CCNO: variants seen among roughly 807,000 people sequenced by gnomAD.
CCNO encodes the protein cyclin-O.
CCNO carries 24 observed loss-of-function variants against 23.9 expected under a neutral mutation model. That is an observed-to-expected ratio of 1.00 (90% CI 0.73 to 1.41). The LOEUF (loss-of-function observed/expected upper bound fraction) is 1.41. CCNO is among the 40% of genes most tolerant of loss of function. The pLI, the probability that CCNO is intolerant of heterozygous loss-of-function variation, is 0.00. For synonymous variants in CCNO, 241 were observed against 225.7 expected (o/e 1.07, Z -0.61); for missense variants, 542 against 476.2 (o/e 1.14, Z -1.29).
At chr5:55,232,288 G>C (rs897613913) in intron 2 of CCNO, 73 bp downstream of exon 2, 1 of 1,395,472 alleles carries the variant, frequency 7.2e-7, no homozygotes, top group Non-Finnish European at 1.0e-6. Context: ...GGAAAGACGG[G>C]CGGCCAGGGA....
Position 55,233,269 on chromosome 5 carries a change from G to A in CCNO, c.255C>T (p.Gly85=), listed in dbSNP as rs1197540683. 5.0e-6 allele frequency: 8 copies of A among 1,590,098 alleles called. No homozygotes were observed. Among genetic ancestry groups the A allele is most frequent in the Non-Finnish European group, 6.8e-6 (8 of 1,170,750 alleles). ...SAARGGSPLP[G]PAQPVAQLDL... ...CTAGCTGCGCCACGGGCTGGGCCGG[G>A]CCGGGCAGGGGGCTACCACCCCGCG... Residue 85 remains glycine (G), a synonymous_variant, in exon 1 of 3, where the codon GGC becomes GGT. Coordinates refer to ENST00000282572, the MANE Select transcript of CCNO (RefSeq NM_021147.5).
Position 55,233,559 on chromosome 5 carries a change from C to T in CCNO, c.-36G>A. The T allele has an allele frequency of 2.0e-6, 3 of 1,488,072 alleles. No homozygotes were observed. Among genetic ancestry groups the T allele is most frequent in the Non-Finnish European group, 2.7e-6 (3 of 1,125,938 alleles). 92.2% of individuals were successfully genotyped at this position (1,488,072 alleles called of 1,614,324 possible). ...GGTGGCCGCTTTACTACCTTCAACGCCCGGGCTGCGGCGGGCAGCAAACGC... is the reference window on the plus strand; with the variant it reads ...GGTGGCCGCTTTACTACCTTCAACGTCCGGGCTGCGGCGGGCAGCAAACGC... On this transcript the variant is annotated 5_prime_UTR_variant, in exon 1 of 3. Coordinates refer to ENST00000282572, the MANE Select transcript of CCNO (RefSeq NM_021147.5).
At chr5:55,232,613 G>T in intron 1 of CCNO, 67 bp from the exon 2 acceptor site, 1 of 1,458,060 alleles carries the variant, frequency 6.9e-7, no homozygotes, top group Non-Finnish European at 9.6e-7. Flanking sequence ...GGAAGGGAAG[G>T]AAGGGCCAAG....
In CCNO at chr5:55,233,390, G is replaced by T. The variant is rs139606873; in HGVS notation, c.134C>A (p.Pro45His). 1.3e-3 allele frequency: 2,155 copies of T among 1,610,664 alleles called. 1 individual carries two copies. Among genetic ancestry groups the T allele is most frequent in the Admixed American group, 2.5e-3 (149 of 59,866 alleles). ...PRLRRKQPLH[P>H]LNPCPLPGDS... is the part of the protein sequence containing the mutation. ...TCCCGGGAGCGGGCACGGGTTCAGGGGATGCAGCGGCTGCTTCCTCCGGAG... is the reference window on the plus strand; with the variant it reads ...TCCCGGGAGCGGGCACGGGTTCAGGTGATGCAGCGGCTGCTTCCTCCGGAG... The change falls in exon 1 of 3, where the codon CCC (proline) becomes CAC (histidine). Residue 45 changes from proline to histidine, a missense_variant. Coordinates refer to ENST00000282572, the MANE Select transcript of CCNO (RefSeq NM_021147.5).
At chr5:55,232,597 G>A (rs1212741000) in intron 1 of CCNO, 51 bp from the exon 2 acceptor site, 2 of 1,564,718 alleles carry the variant, frequency 1.3e-6, no homozygotes, top group African/African-American at 1.4e-5. Flanking sequence ...GGTGGAGAGG[G>A]ACTGTGGAAG....
In CCNO at chr5:55,232,091, C is replaced by G. The variant is rs1191312601; in HGVS notation, c.568-231G>C. Among the ~76,000 whole-genome samples, 8 of 152,046 alleles carry G rather than the reference C, an allele frequency of 5.3e-5. No homozygotes were observed. The East Asian group carries it at 1.5e-3, about 29-fold the overall frequency. ...TTTGAAGGCTTTTTCGGAGGCTAGA[C>G]TAGAGGTGCCAAAAGAGCTATTTGG... On this transcript the variant is annotated intron_variant, in intron 2 of 2. Coordinates refer to ENST00000282572, the MANE Select transcript of CCNO (RefSeq NM_021147.5).
Position 55,233,489 on chromosome 5 carries a change from G to A in CCNO, c.35C>T (p.Pro12Leu). 7 of 1,596,768 alleles carry A rather than the reference G, an allele frequency of 4.4e-6. No homozygotes were observed. The highest frequency in any genetic ancestry group is 6.0e-6 in the Non-Finnish European group (7 of 1,171,902). Residue 12 changes from proline to leucine, a missense_variant, in exon 1 of 3, where the codon CCC becomes CTC. Coordinates refer to ENST00000282572, the MANE Select transcript of CCNO (RefSeq NM_021147.5). ...VTPCPTSPSS[P>L]AARAGRRDND... ...GTCCCGCCTCCCCGCTCGGGCGGCG[G>A]GGCTCGAGGGGCTGGTGGGACAGGG...
In CCNO at chr5:55,231,670, G is replaced by T; in HGVS notation, c.758C>A (p.Ser253Tyr). The T allele has an allele frequency of 6.4e-7, 1 of 1,562,928 alleles. No homozygotes were observed. The highest frequency in any genetic ancestry group is 8.7e-7 in the Non-Finnish European group (1 of 1,154,156). Residue 253 changes from serine to tyrosine, a missense_variant, in exon 3 of 3, where the codon TCC becomes TAC. Ser to Tyr is a moderately radical substitution (Grantham distance 144). Coordinates refer to ENST00000282572, the MANE Select transcript of CCNO (RefSeq NM_021147.5). ...CAGGGCTTGCGCTTCCAGAGCTTCG[G>T]AGGCCTCAGCCTGCCCCGCCTCCAC... ...ARVEAGQAEASEALEAQALAR... is the reference protein window; with the variant it reads ...ARVEAGQAEAYEALEAQALAR...
Position 55,231,781 on chromosome 5 carries a change from A to G in CCNO, c.647T>C (p.Leu216Pro). 1.3e-6 allele frequency: 2 copies of G among 1,562,704 alleles called. No individual in the cohort carries two copies. The highest frequency in any genetic ancestry group is 1.4e-5 in the African/African-American group (1 of 73,898). The change falls in exon 3 of 3, where the codon CTC becomes CCC. Residue 216 changes from leucine (L) to proline (P), a missense_variant. Leu to Pro is a moderately conservative substitution (Grantham distance 98). Transcript: ENST00000282572. ...GAFSRQQLCNLECIVLHKLHF... is the reference protein window; with the variant it reads ...GAFSRQQLCNPECIVLHKLHF... The stretch of plus-strand genomic sequence containing the variant: ...CAGCTTGTGCAGCACGATGCACTCG[A>G]GGTTGCAGAGCTGCTGCCGGGAGAA...
Position 55,231,898 on chromosome 5 carries a change from T to TCCCGGGC in CCNO, c.568-45_568-39dup, listed in dbSNP as rs1403065524. The TCCCGGGC allele has an allele frequency of 6.7e-6, 10 of 1,491,668 alleles. No homozygotes were observed. The African/African-American group carries it at 1.1e-4, about 17-fold the overall frequency. 92.4% of individuals were successfully genotyped at this position (1,491,668 alleles called of 1,614,324 possible). A position where few individuals can be genotyped will look rare whatever the true frequency, so the allele number is the denominator to read the frequency against. On this transcript the variant is annotated intron_variant, in intron 2 of 2. Coordinates refer to ENST00000282572, the MANE Select transcript of CCNO (RefSeq NM_021147.5). Reference sequence around the variant, plus strand: ...GCGCACTCAACCCCGCTTTGCGGCTTCCCGGGCCCCAGGCCCACCCCAGTA... The same window carrying TCCCGGGC: ...GCGCACTCAACCCCGCTTTGCGGCTTCCCGGGCCCCGGGCCCCAGGCCCACCCCAGTA...
Position 55,232,932 on chromosome 5 carries a change from G to A in CCNO, c.381+211C>T, listed in dbSNP as rs1745636843. 1.3e-5 allele frequency: 8 copies of A among 611,990 alleles called. No individual in the cohort carries two copies. In the South Asian group the frequency reaches 1.6e-4, roughly 13 times the overall value. The allele number at this position is 611,990 out of a possible 1,614,324, so 37.9% of individuals were successfully genotyped here. A position where few individuals can be genotyped will look rare whatever the true frequency, so the allele number is the denominator to read the frequency against. On this transcript the variant is annotated intron_variant, in intron 1 of 2. Transcript: ENST00000282572. ...GTGCCCCAGTAGCCAGCTTGGGACG[G>A]GGCAAGTCCCTCAAGCCGTCTACGC...
Position 55,231,742 on chromosome 5 carries a change from C to A in CCNO, c.686G>T (p.Gly229Val). 1 of 1,574,724 alleles carries A rather than the reference C, an allele frequency of 6.4e-7. No homozygotes were observed. The highest frequency in any genetic ancestry group is 8.6e-7 in the Non-Finnish European group (1 of 1,160,832). ...CAGGAAGAAGCTAATGGTGGGCGCA[C>A]CCAGGGTGAAGTGCAGCTTGTGCAG... The part of the protein sequence containing the change: ...IVLHKLHFTL[G>V]APTISFFLEH... The change falls in exon 3 of 3, where the codon GGT (glycine) becomes GTT (valine). Residue 229 changes from glycine (G) to valine (V), a missense_variant. Transcript: ENST00000282572.
intron 2 of CCNO, 88 bp downstream of exon 2, chr5:55,232,273 G>A: frequency 3.3e-6 from 4 of 1,227,492 alleles, no homozygotes; most frequent in Non-Finnish European, 1.2e-6. Context: ...TGAATCGTGC[G>A]CGCTGGAAAG....
rs1251027384 is a variant in CCNO at position 55,233,474 on chromosome 5, C to G, written c.50G>C (p.Gly17Ala). ...TSPSSPAARA[G>A]RRDNDQNLRA... ...AAGGTTCTGGTCGTTGTCCCGCCTC[C>G]CCGCTCGGGCGGCGGGGCTCGAGGG... is the stretch of plus-strand genomic sequence containing the variant. Residue 17 changes from glycine (G) to alanine (A), a missense_variant, in exon 1 of 3, where the codon GGG becomes GCG. Transcript: ENST00000282572. 2 of 1,599,420 alleles carry G rather than the reference C, an allele frequency of 1.3e-6. No homozygotes were observed. Among genetic ancestry groups the G allele is most frequent in the South Asian group, 2.2e-5 (2 of 89,732 alleles).
In CCNO at chr5:55,232,420, C is replaced by T; in HGVS notation, c.508G>A (p.Val170Met). 2 of 1,613,988 alleles carry T rather than the reference C, an allele frequency of 1.2e-6. No homozygotes were observed. The highest frequency in any genetic ancestry group is 8.5e-7 in the Non-Finnish European group (1 of 1,180,040). The change falls in exon 2 of 3, where the codon GTG becomes ATG. Residue 170 changes from valine to methionine, a missense_variant. Coordinates refer to ENST00000282572, the MANE Select transcript of CCNO (RefSeq NM_021147.5). ...AGCAGCTGGAAGCAGTCTGCAGCCA[C>T]CGGCGTGGTGGTGAGGAAGCGGTCC... Reference protein sequence around the residue: ...TLDRFLTTTPVAADCFQLLGV... With the variant: ...TLDRFLTTTPMAADCFQLLGV...
chr5:55,232,595 G>A (rs776757725), intron 1 of CCNO, 49 bp from the exon 2 acceptor site: 2 of 1,580,618 alleles, frequency 1.3e-6, no homozygotes. Flanking sequence ...AGGGTGGAGA[G>A]GGACTGTGGA....
rs765691033 is a variant in CCNO, at chr5:55,233,374, C to T, written c.150G>A (p.Pro50=). The T allele has an allele frequency of 1.2e-6, 2 of 1,610,380 alleles. No homozygotes were observed. Among genetic ancestry groups the T allele is most frequent in the South Asian group, 2.2e-5 (2 of 90,786 alleles). ...CGCAAATGCCGGAGTCTCCCGGGAG[C>T]GGGCACGGGTTCAGGGGATGCAGCG... ...KQPLHPLNPC[P]LPGDSGICDL... Residue 50 remains proline, a synonymous_variant, in exon 1 of 3, where the codon CCG becomes CCA. Coordinates refer to ENST00000282572, the MANE Select transcript of CCNO (RefSeq NM_021147.5).
In CCNO at chr5:55,233,261, T is replaced by TGGGCC. The variant is rs587777499; in HGVS notation, c.258_262dup (p.Gln88ArgfsTer8). The TGGGCC allele has an allele frequency of 1.1e-4, 175 of 1,589,494 alleles. 1 individual carries two copies. The highest frequency in any genetic ancestry group is 5.0e-4 in the Middle Eastern group (3 of 5,982). The stretch of plus-strand genomic sequence containing the variant: ...CTGTAGATCTAGCTGCGCCACGGGC[T>TGGGCC]GGGCCGGGCCGGGCAGGGGGCTACC... On this transcript the variant is annotated frameshift_variant, in exon 1 of 3. Coordinates refer to ENST00000282572, the MANE Select transcript of CCNO (RefSeq NM_021147.5). LOFTEE classifies it high-confidence loss of function.
rs1745591664 is a variant in CCNO, at chr5:55,231,847, G to A, written c.581C>T (p.Pro194Leu). 3.2e-6 allele frequency: 5 copies of A among 1,541,590 alleles called. No individual in the cohort carries two copies. Among genetic ancestry groups the A allele is most frequent in the Middle Eastern group, 2.3e-4 (1 of 4,444 alleles). ...GGCCAGAAGCTGCTTCACGCGCGGC[G>A]GGTGCACCTCCACCTGCAACACAGG... The part of the protein sequence containing the change: ...LIACKQVEVH[P>L]PRVKQLLALC... The change falls in exon 3 of 3, where the codon CCG becomes CTG. Residue 194 changes from proline to leucine, a missense_variant. Physicochemically the swap from Pro to Leu is moderately conservative, Grantham distance 98 (BLOSUM62 -3). Coordinates refer to ENST00000282572, the MANE Select transcript of CCNO (RefSeq NM_021147.5).
Sources: gnomAD v4.1 joint callset for allele counts (sites outside exome capture counted in the v4.1 genomes callset) on GRCh38, gnomAD v4.1.1 for gene constraint, MANE v1.5 for transcripts, NCBI Gene and HGNC (gene_info 2026-07-23, HGNC 2026-07-21) for gene names.